The following CHST11 variants were observed in gnomAD, a reference collection of about 807,000 sequenced individuals.
CHST11 encodes the protein carbohydrate sulfotransferase 11.
In CHST11, 9 loss-of-function variants were observed where a neutral mutation model predicts 30.4. The ratio of observed to expected loss-of-function variants is 0.30; its 90% CI spans 0.18 to 0.52. CHST11 has a LOEUF of 0.52. Among genes scored for constraint, CHST11 ranks in the 20% least tolerant of loss-of-function variants. CHST11 has a pLI of 0.97. For synonymous variants in CHST11, 152 were observed against 187.8 expected, an observed-to-expected ratio of 0.81 and a Z score of 1.56; for missense variants, 348 against 460.6, an observed-to-expected ratio of 0.76 and a Z score of 2.24.
Position 104,662,571 on chromosome 12 carries a change from C to T in CHST11, c.204+60580C>T, listed in dbSNP as rs562220505. Among the ~76,000 whole-genome samples the T allele has an allele frequency of 1.5e-3, 233 of 152,226 alleles. 1 individual carries two copies. Among genetic ancestry groups the T allele is most frequent in the African/African-American group, 5.2e-3 (214 of 41,526 alleles). ...CTAACTCTTGCAATGAAATATGGAT[C>T]GTGTTTGCTTTCTGGAGTCAGAAAT... is the stretch of plus-strand genomic sequence containing the variant. On this transcript the variant is annotated intron_variant, in intron 2 of 2. Coordinates refer to ENST00000303694, the MANE Select transcript of CHST11 (RefSeq NM_018413.6).
At chr12:104,519,624 C>T (rs567034388) in intron 1 of CHST11, among the ~76,000 whole-genome samples, 1 of 152,348 alleles carries the variant, frequency 6.6e-6, no homozygotes, top group East Asian at 1.9e-4. Flanking sequence ...AACCACCTCC[C>T]TGCCTCCCAG....
intron 2 of CHST11, among the ~76,000 whole-genome samples, chr12:104,633,670 C>A (rs2039295506): frequency 6.6e-6 from 1 of 152,022 alleles, no homozygotes; most frequent in Non-Finnish European, 1.5e-5. Context: ...CTGCCTCGGC[C>A]TCCCAAAGTG....
intron 2 of CHST11, among the ~76,000 whole-genome samples, chr12:104,603,135 G>C (rs1231018590): frequency 6.6e-6 from 1 of 152,038 alleles, no homozygotes; most frequent in African/African-American, 2.4e-5. Context: ...TTGATAGTTG[G>C]GTTCCCTTTG....
chr12:104,603,152 A>C (rs2038973124), intron 2 of CHST11, among the ~76,000 whole-genome samples: 1 of 152,160 alleles, frequency 6.6e-6, no homozygotes, highest in Non-Finnish European at 1.5e-5. Flanking sequence ...TTTGGTGCCC[A>C]AAAAATCTCC....
At chr12:104,521,777 T>G (rs564003173) in intron 1 of CHST11, among the ~76,000 whole-genome samples, 1 of 152,224 alleles carries the variant, frequency 6.6e-6, no homozygotes, top group East Asian at 1.9e-4. Flanking sequence ...TTGAGTCTAC[T>G]CCACTGTTTG....
At chr12:104,550,560 T>C (rs1244992455) in intron 1 of CHST11, among the ~76,000 whole-genome samples, 2 of 152,180 alleles carry the variant, frequency 1.3e-5, no homozygotes, top group African/African-American at 2.4e-5. Context: ...TGTCACCCAA[T>C]AACACTGTTT....
chr12:104,715,438 G>T (rs1168837062), intron 2 of CHST11, among the ~76,000 whole-genome samples: 1 of 152,134 alleles, frequency 6.6e-6, no homozygotes, highest in Non-Finnish European at 1.5e-5. Flanking sequence ...CACTGGAAGG[G>T]ATTAAATAAG....
At chr12:104,577,033 C>T (rs1452350079) in intron 1 of CHST11, among the ~76,000 whole-genome samples, 1 of 151,476 alleles carries the variant, frequency 6.6e-6, no homozygotes, top group Non-Finnish European at 1.5e-5. Flanking sequence ...ACTAAGACTC[C>T]AGAGGGGTGG....
chr12:104,580,925 C>T (rs2038736845), intron 1 of CHST11, among the ~76,000 whole-genome samples: 1 of 152,176 alleles, frequency 6.6e-6, no homozygotes, highest in Non-Finnish European at 1.5e-5. Context: ...TGTCTCAGAA[C>T]TTTCAGTTCC....
intron 2 of CHST11, among the ~76,000 whole-genome samples, chr12:104,656,216 C>G (rs1342675410): frequency 6.6e-6 from 1 of 152,204 alleles, no homozygotes; most frequent in Non-Finnish European, 1.5e-5. Context: ...GAGGGAAGAC[C>G]AGATGCTGGG....
intron 1 of CHST11, among the ~76,000 whole-genome samples, chr12:104,529,602 A>C (rs960967211): frequency 1.3e-5 from 2 of 152,166 alleles, no homozygotes; most frequent in Non-Finnish European, 2.9e-5. Flanking sequence ...CCAGCCTTCT[A>C]TAGCTTGTTG....
At chr12:104,549,511 C>T (rs1227685693) in intron 1 of CHST11, among the ~76,000 whole-genome samples, 1 of 152,062 alleles carries the variant, frequency 6.6e-6, no homozygotes, top group Non-Finnish European at 1.5e-5. Flanking sequence ...AACAAACAAA[C>T]AAAAGAGATT....
intron 1 of CHST11, among the ~76,000 whole-genome samples, chr12:104,578,275 T>C (rs1017608562): frequency 2.0e-5 from 3 of 152,212 alleles, no homozygotes; most frequent in Non-Finnish European, 4.4e-5. Flanking sequence ...TGCTCGGATC[T>C]TCCCAGTCGT....
chr12:104,465,122 T>A (rs1395050163), intron 1 of CHST11, among the ~76,000 whole-genome samples: 1 of 152,200 alleles, frequency 6.6e-6, no homozygotes, highest in Non-Finnish European at 1.5e-5. Flanking sequence ...GAAAGTACTT[T>A]ATGTAAACTG....
intron 1 of CHST11, among the ~76,000 whole-genome samples, chr12:104,500,115 C>T (rs2037838865): frequency 6.6e-6 from 1 of 152,170 alleles, no homozygotes; most frequent in Non-Finnish European, 1.5e-5. Flanking sequence ...ATTAGAAGCT[C>T]AGTTCTTGGC....
intron 2 of CHST11, among the ~76,000 whole-genome samples, chr12:104,690,814 T>A (rs1378331013): frequency 6.6e-6 from 1 of 152,022 alleles, no homozygotes; most frequent in Non-Finnish European, 1.5e-5. Context: ...GGCAACAGAG[T>A]GAGACCCTGT....
At chr12:104,571,731 T>C (rs1466242687) in intron 1 of CHST11, among the ~76,000 whole-genome samples, 1 of 152,184 alleles carries the variant, frequency 6.6e-6, no homozygotes, top group Non-Finnish European at 1.5e-5. Flanking sequence ...ATCCAGCCAC[T>C]GGTTAGACTA....
intron 1 of CHST11, among the ~76,000 whole-genome samples, chr12:104,502,310 G>C (rs890684633): frequency 6.6e-6 from 1 of 152,144 alleles, no homozygotes; most frequent in Admixed American, 6.5e-5. Context: ...GCCACCCAAA[G>C]TGCTGGGATT....
intron 2 of CHST11, among the ~76,000 whole-genome samples, chr12:104,709,500 G>A (rs1012636223): frequency 2.0e-5 from 3 of 152,188 alleles, no homozygotes; most frequent in Non-Finnish European, 2.9e-5. Context: ...GGGTGGGGCC[G>A]GGGAGCTGGA....
Sources: allele counts gnomAD v4.1 joint callset (sites outside exome capture counted in the v4.1 genomes callset), GRCh38; gene constraint gnomAD v4.1.1; transcripts MANE v1.5; gene names NCBI Gene and HGNC (gene_info 2026-07-23, HGNC 2026-07-21).